CTDSPL: variants seen among roughly 807,000 people sequenced by gnomAD.
CTDSPL encodes CTD small phosphatase-like protein.
A neutral mutation model predicts 30.5 loss-of-function variants in CTDSPL; 8 were observed. The ratio of observed to expected loss-of-function variants is 0.26; its 90% confidence interval spans 0.15 to 0.47. CTDSPL has a LOEUF of 0.47. Among genes scored for constraint, CTDSPL ranks in the 20% least tolerant of loss-of-function variants. The pLI is 0.99. For synonymous variants in CTDSPL, 110 were observed against 137.9 expected (o/e 0.80, Z 1.42); for missense variants, 248 against 366.1 (o/e 0.68, Z 2.63).
chr3:37,892,323 G>A (rs1316710894), intron 1 of CTDSPL, among the ~76,000 whole-genome samples: 2 of 152,106 alleles, frequency 1.3e-5, no homozygotes, highest in Non-Finnish European at 1.5e-5. Flanking sequence ...CTAAATGAAG[G>A]AATACATATA....
At chr3:37,899,460 C>G (rs1050713318) in intron 1 of CTDSPL, among the ~76,000 whole-genome samples, 5 of 152,122 alleles carry the variant, frequency 3.3e-5, no homozygotes, top group African/African-American at 9.7e-5. Context: ...CAGGAGCTGC[C>G]AACTCATAGC....
At chr3:37,896,059 G>A (rs1001921811) in intron 1 of CTDSPL, among the ~76,000 whole-genome samples, 39 of 152,158 alleles carry the variant, frequency 2.6e-4, no homozygotes, top group African/African-American at 9.4e-4. Flanking sequence ...CAAGAAAAAT[G>A]TGTTATGAAC....
chr3:37,864,344 T>G (rs1697981815), intron 1 of CTDSPL, among the ~76,000 whole-genome samples: 1 of 152,242 alleles, frequency 6.6e-6, no homozygotes, highest in South Asian at 2.1e-4. Flanking sequence ...CCAAACCATG[T>G]ACAAATACTC....
At chr3:37,950,411 C>T (rs369196239) in intron 2 of CTDSPL, among the ~76,000 whole-genome samples, 16 of 152,190 alleles carry the variant, frequency 1.1e-4, no homozygotes, top group South Asian at 2.1e-4. Flanking sequence ...TAACGGACAA[C>T]TCAGGAAATG....
chr3:37,957,766 C>T (rs1455081135), intron 3 of CTDSPL, among the ~76,000 whole-genome samples: 3 of 152,190 alleles, frequency 2.0e-5, no homozygotes, highest in African/African-American at 7.2e-5. Context: ...TTGTTCCACC[C>T]CAGCACCGTC....
intron 1 of CTDSPL, chr3:37,911,768 AAGG>A (rs1484061186): frequency 6.6e-6 from 3 of 455,760 alleles, no homozygotes; most frequent in African/African-American, 6.0e-5. Context: ...CTAAAGAGAG[AAGG>A]AGGACAGCCA....
At chr3:37,946,951 G>A (rs2125622397) in intron 1 of CTDSPL, 106 bp from the exon 2 acceptor site, 1 of 1,266,262 alleles carries the variant, frequency 7.9e-7, no homozygotes, top group East Asian at 2.6e-5. Flanking sequence ...CCTCAGGGCT[G>A]GAATCTGGGG....
chr3:37,895,686 T>C (rs1297422531), intron 1 of CTDSPL, among the ~76,000 whole-genome samples: 1 of 152,250 alleles, frequency 6.6e-6, no homozygotes, highest in Non-Finnish European at 1.5e-5. Context: ...TTATATTTTG[T>C]TAATAGTTTA....
chr3:37,899,018 G>T (rs1165640616), intron 1 of CTDSPL, among the ~76,000 whole-genome samples: 2 of 152,206 alleles, frequency 1.3e-5, no homozygotes, highest in African/African-American at 2.4e-5. Context: ...AGAAACTTGA[G>T]ATAAACTTGG....
At chr3:37,917,873 A>G (rs1326064440) in intron 1 of CTDSPL, among the ~76,000 whole-genome samples, 1 of 152,244 alleles carries the variant, frequency 6.6e-6, no homozygotes, top group Non-Finnish European at 1.5e-5. Flanking sequence ...ATCGGAGAAA[A>G]TTGCTGGATG....
intron 1 of CTDSPL, among the ~76,000 whole-genome samples, chr3:37,864,238 C>T (rs144200081): frequency 2.0e-5 from 3 of 152,198 alleles, no homozygotes; most frequent in Non-Finnish European, 4.4e-5. Context: ...TGCTGCCCCC[C>T]ACCTGACTCC....
intron 1 of CTDSPL, among the ~76,000 whole-genome samples, chr3:37,912,204 A>G (rs1014808520): frequency 6.6e-6 from 1 of 152,212 alleles, no homozygotes; most frequent in Non-Finnish European, 1.5e-5. Flanking sequence ...GGGTCCACCC[A>G]GGAGTGAGTA....
At chr3:37,921,641 ACACT>A (rs750467925) in intron 1 of CTDSPL, among the ~76,000 whole-genome samples, 4 of 140,692 alleles carry the variant, frequency 2.8e-5, no homozygotes, top group South Asian at 2.3e-4. Flanking sequence ...ACACACACAC[ACACT>A]CACACAAACA....
chr3:37,920,627 A>G (rs1180004551), intron 1 of CTDSPL, among the ~76,000 whole-genome samples: 4 of 152,218 alleles, frequency 2.6e-5, no homozygotes, highest in African/African-American at 7.2e-5. Flanking sequence ...GATGGTAAAG[A>G]GCCAGGCACT....
At chr3:37,954,484 C>G (rs1480513443) in intron 2 of CTDSPL, 1 of 152,220 alleles carries the variant, frequency 6.6e-6, no homozygotes, top group African/African-American at 2.4e-5. Context: ...ATTTGGAACA[C>G]AAAGCCCAGG....
intron 5 of CTDSPL, 89 bp downstream of exon 5, chr3:37,967,971 G>A: frequency 1.1e-6 from 1 of 899,048 alleles, no homozygotes; most frequent in Admixed American, 2.6e-5. Context: ...TCTCATTTCA[G>A]TAATAACTTT....
intron 1 of CTDSPL, among the ~76,000 whole-genome samples, chr3:37,878,080 A>G (rs984026982): frequency 2.6e-5 from 4 of 152,214 alleles, no homozygotes; most frequent in Non-Finnish European, 5.9e-5. Context: ...CCACATCCTC[A>G]TCACACTTGT....
chr3:37,980,666 G>A (rs1346338843), intron 7 of CTDSPL, 76 bp from the exon 8 acceptor site: 94 of 1,550,514 alleles, frequency 6.1e-5, no homozygotes, highest in Non-Finnish European at 7.3e-5. Context: ...CTCAAAGTCC[G>A]GGTACCCGGT....
chr3:37,929,918 A>T (rs188252468), intron 1 of CTDSPL, among the ~76,000 whole-genome samples: 102 of 152,040 alleles, frequency 6.7e-4, no homozygotes, highest in Non-Finnish European at 1.2e-3. Context: ...GACTAGCCTG[A>T]CCAACATGAT....
Sources: allele counts gnomAD v4.1 joint callset (sites outside exome capture counted in the v4.1 genomes callset), GRCh38; gene constraint gnomAD v4.1.1; transcripts MANE v1.5; gene names NCBI Gene and HGNC (gene_info 2026-07-23, HGNC 2026-07-21).